The following RFXANK variants were observed in gnomAD, a reference collection of about 807,000 sequenced individuals.
RFXANK encodes regulatory factor X associated ankyrin containing protein, also known as DNA-binding protein RFXANK.
In RFXANK, 19 loss-of-function variants were observed where a neutral mutation model predicts 34.5. The observed-to-expected ratio is 0.55, with a 90% confidence interval of 0.38 to 0.81. The LOEUF (loss-of-function observed/expected upper bound fraction) is 0.81. RFXANK is among the 30% of genes least tolerant of loss of function. The pLI, the probability that RFXANK is intolerant of heterozygous loss-of-function variation, is 0.00. For synonymous variants in RFXANK, 154 were observed against 149.8 expected (o/e 1.03, Z -0.20); for missense variants, 295 against 343.5 (o/e 0.86, Z 1.12).
In RFXANK at chr19:19,199,200, G is replaced by A. The variant is rs1407074151; in HGVS notation, c.678G>A (p.Pro226=). Residue 226 remains proline (P), a synonymous_variant, in exon 9 of 10, where the codon CCG becomes CCA. Transcript: ENST00000303088. ...LTTEADSGYT[P]MDLAVALGYR... is the part of the protein sequence containing the mutation. The stretch of plus-strand genomic sequence containing the variant: ...CCGAAGCCGACTCTGGCTACACCCC[G>A]ATGGACCTTGCCGTGGCCCTGGGAT... 8.7e-6 allele frequency: 14 copies of A among 1,613,988 alleles called. No homozygotes were observed. Among genetic ancestry groups the A allele is most frequent in the South Asian group, 3.3e-5 (3 of 91,088 alleles).
chr19:19,198,351 C>T lies in RFXANK; in HGVS notation c.564+119C>T, dbSNP rs989448885. 16 of 1,456,214 alleles carry T rather than the reference C, an allele frequency of 1.1e-5. No individual in the cohort carries two copies. In the South Asian group the frequency reaches 1.8e-4, roughly 16 times the overall value. The allele number at this position is 1,456,214 out of a possible 1,614,324, so 90.2% of individuals were successfully genotyped here. On this transcript the variant is annotated intron_variant, in intron 7 of 9. Coordinates refer to ENST00000303088, the MANE Select transcript of RFXANK (RefSeq NM_003721.4). The stretch of plus-strand genomic sequence containing the variant: ...CTAGGTGCCGAGAACACGAGACAGC[C>T]CCATTCCCAGCCTCACAGAGCAGAG...
At chr19:19,195,119 C>T (rs1265822129) in intron 3 of RFXANK, among the ~76,000 whole-genome samples, 2 of 147,686 alleles carry the variant, frequency 1.4e-5, no homozygotes, top group African/African-American at 2.5e-5. Flanking sequence ...AGTGCAGTGG[C>T]GCAATCTTGG....
At chr19:19,197,099 C>G (rs1365390475) in intron 4 of RFXANK, 53 bp downstream of exon 4, 4 of 1,611,224 alleles carry the variant, frequency 2.5e-6, no homozygotes, top group Non-Finnish European at 3.4e-6. Flanking sequence ...GTGGGAGGGC[C>G]TGTGAGGAGC....
chr19:19,199,329 C>G, intron 9 of RFXANK, 95 bp downstream of exon 9: 2 of 1,197,382 alleles, frequency 1.7e-6, no homozygotes, highest in South Asian at 2.4e-5. Flanking sequence ...TGGTCATACG[C>G]CGGCAGCGAG....
intron 3 of RFXANK, 59 bp downstream of exon 3, chr19:19,194,192 C>T: frequency 6.6e-7 from 1 of 1,521,970 alleles, no homozygotes. Flanking sequence ...AATGTCAGGC[C>T]TCACATGGAA....
At chr19:19,201,565 T>C in intron 9 of RFXANK, 84 bp from the exon 10 acceptor site, 2 of 1,609,582 alleles carry the variant, frequency 1.2e-6, no homozygotes, top group Non-Finnish European at 1.7e-6. Context: ...GTTTGTCCCC[T>C]AAGGGGAGAG....
chr19:19,201,467 T>TACAA (rs1309000413), intron 9 of RFXANK, 182 bp from the exon 10 acceptor site: 2 of 1,564,666 alleles, frequency 1.3e-6, no homozygotes, highest in Non-Finnish European at 1.7e-6. Context: ...AGTGCATTTT[T>TACAA]ACAAACTTAG....
chr19:19,195,027 T>C (rs1171850886), intron 3 of RFXANK, among the ~76,000 whole-genome samples: 2 of 140,760 alleles, frequency 1.4e-5, no homozygotes, highest in African/African-American at 2.7e-5. Flanking sequence ...CTCCCTCCCT[T>C]CCCGCCTCCG....
In RFXANK at chr19:19,198,651, C is replaced by G. The variant is rs566002293; in HGVS notation, c.565-6C>G. 6.2e-7 allele frequency: 1 copy of G among 1,613,226 alleles called. No individual in the cohort carries two copies. Among genetic ancestry groups the G allele is most frequent in the African/African-American group, 1.3e-5 (1 of 74,942 alleles). ...CTTTGGTTTCTCCTGCCCCTACCCA[C>G]GACAGAATGGAGGGACGCCACTGCT... On this transcript the variant is annotated splice_polypyrimidine_tract_variant and splice_region_variant and intron_variant, in intron 7 of 9. Coordinates refer to ENST00000303088, the MANE Select transcript of RFXANK (RefSeq NM_003721.4).
rs764732273 is a variant in RFXANK at position 19,199,202 on chromosome 19, T to C, written c.680T>C (p.Met227Thr). The C allele has an allele frequency of 2.5e-6, 4 of 1,613,922 alleles. No individual in the cohort carries two copies. The highest frequency in any genetic ancestry group is 2.2e-5 in the South Asian group (2 of 91,070). ...TTEADSGYTPMDLAVALGYRK... is the reference protein window; with the variant it reads ...TTEADSGYTPTDLAVALGYRK... ...GAAGCCGACTCTGGCTACACCCCGA[T>C]GGACCTTGCCGTGGCCCTGGGATAC... The change falls in exon 9 of 10, where the codon ATG (methionine) becomes ACG (threonine). Residue 227 changes from methionine to threonine, a missense_variant. Physicochemically the swap from Met to Thr is moderately conservative, Grantham distance 81. Coordinates refer to ENST00000303088, the MANE Select transcript of RFXANK (RefSeq NM_003721.4).
At chr19:19,194,731 G>A (rs1419979229) in intron 3 of RFXANK, among the ~76,000 whole-genome samples, 1 of 148,654 alleles carries the variant, frequency 6.7e-6, no homozygotes, top group Non-Finnish European at 1.5e-5. Flanking sequence ...CACCTCCTGG[G>A]CTCAAGTGAT....
Position 19,192,402 on chromosome 19 carries a change from A to C in RFXANK, c.-302A>C. The C allele has an allele frequency of 4.4e-5, 23 of 520,360 alleles. No individual in the cohort carries two copies. The highest frequency in any genetic ancestry group is 7.4e-5 in the South Asian group (3 of 40,532). 32.2% of individuals were successfully genotyped at this position (520,360 alleles called of 1,614,324 possible). Reference sequence around the variant, plus strand: ...GGGGAAGAACTCTCTCCCTTTCTGAACCCCCTTTTCCTTGAGAGACGAGTT... The same window carrying C: ...GGGGAAGAACTCTCTCCCTTTCTGACCCCCCTTTTCCTTGAGAGACGAGTT... On this transcript the variant is annotated 5_prime_UTR_variant, in exon 1 of 10. Coordinates refer to ENST00000303088, the MANE Select transcript of RFXANK (RefSeq NM_003721.4).
intron 3 of RFXANK, 143 bp downstream of exon 3, chr19:19,194,276 A>T (rs1415552741): frequency 1.2e-5 from 11 of 912,678 alleles, no homozygotes; most frequent in Admixed American, 4.0e-5. Context: ...CTTGTTGCCC[A>T]TGCTGGAGTG....
In RFXANK at chr19:19,198,680, C is replaced by CGCT; in HGVS notation, c.590_592dup (p.Ala197dup). On this transcript the variant is annotated inframe_insertion, in exon 8 of 10. Coordinates refer to ENST00000303088, the MANE Select transcript of RFXANK (RefSeq NM_003721.4). ...AGAATGGAGGGACGCCACTGCTGTA[C>CGCT]GCTGTGCGCGGGAACCACGTGAAAT... is the stretch of plus-strand genomic sequence containing the variant. The CGCT allele has an allele frequency of 6.2e-7, 1 of 1,613,856 alleles. No homozygotes were observed. Among genetic ancestry groups the CGCT allele is most frequent in the East Asian group, 2.2e-5 (1 of 44,878 alleles).
Position 19,198,202 on chromosome 19 carries a change from G to T in RFXANK, c.534G>T (p.Glu178Asp). Residue 178 changes from glutamate (E) to aspartate (D), a missense_variant, in exon 7 of 10, where the codon GAG becomes GAT. Glu to Asp is a conservative substitution (Grantham distance 45, BLOSUM62 2). Coordinates refer to ENST00000303088, the MANE Select transcript of RFXANK (RefSeq NM_003721.4). ...CAGACATTGTGGGGCTGCTGCTGGAGCGTGACGTGGACATCAACATCTATG... is the reference window on the plus strand; with the variant it reads ...CAGACATTGTGGGGCTGCTGCTGGATCGTGACGTGGACATCAACATCTATG... ...GYTDIVGLLL[E>D]RDVDINIYDW... The T allele has an allele frequency of 6.2e-7, 1 of 1,614,204 alleles. No homozygotes were observed.
chr19:19,193,117 G>C lies in RFXANK; in HGVS notation c.-9+17G>C, dbSNP rs2060519543. The C allele has an allele frequency of 6.6e-6, 1 of 152,210 alleles. No homozygotes were observed. Among genetic ancestry groups the C allele is most frequent in the Non-Finnish European group, 1.5e-5 (1 of 68,064 alleles). 9.4% of individuals were successfully genotyped at this position (152,210 alleles called of 1,614,324 possible). A position where few individuals can be genotyped will look rare whatever the true frequency, so the allele number is the denominator to read the frequency against. ...CGTGGGGAGGTGAGTGGACCTCCTG[G>C]ATCGATTTAGGAGGCTCGGGTGGGA... is the stretch of plus-strand genomic sequence containing the variant. On this transcript the variant is annotated intron_variant, in intron 2 of 9. Transcript: ENST00000303088.
chr19:19,194,000 C>T lies in RFXANK; in HGVS notation c.54C>T (p.Ala18=). The T allele has an allele frequency of 6.2e-7, 1 of 1,614,250 alleles. No individual in the cohort carries two copies. Among genetic ancestry groups the T allele is most frequent in the Non-Finnish European group, 8.5e-7 (1 of 1,180,046 alleles). ...TCATCCAGACCCAGCAGACCCCTGC[C>T]TCAGAACTTGGGGACCCTGAAGACC... ...EDLIQTQQTP[A]SELGDPEDPG... The change falls in exon 3 of 10, where the codon GCC becomes GCT. Residue 18 remains alanine (A), a synonymous_variant. Coordinates refer to ENST00000303088, the MANE Select transcript of RFXANK (RefSeq NM_003721.4).
intron 7 of RFXANK, 104 bp downstream of exon 7, chr19:19,198,336 A>G: frequency 6.6e-7 from 1 of 1,522,876 alleles, no homozygotes; most frequent in Non-Finnish European, 8.9e-7. Context: ...CTAGGTGCCG[A>G]GAACACGAGA....
intron 9 of RFXANK, chr19:19,201,403 C>T (rs952125091): frequency 7.3e-7 from 1 of 1,367,780 alleles, no homozygotes; most frequent in Non-Finnish European, 1.0e-6. Flanking sequence ...AGTCACAATT[C>T]ACACATTTTG....
Sources: allele counts gnomAD v4.1 joint callset (sites outside exome capture counted in the v4.1 genomes callset), GRCh38; gene constraint gnomAD v4.1.1; transcripts MANE v1.5; gene names NCBI Gene and HGNC (gene_info 2026-07-23, HGNC 2026-07-21).